OTOF: variants seen among roughly 807,000 people sequenced by gnomAD.
The protein encoded by OTOF is otoferlin.
In OTOF, 218 loss-of-function variants were observed where a neutral mutation model predicts 236.8. The ratio of observed to expected loss-of-function variants is 0.92; its 90% confidence interval spans 0.82 to 1.03. The LOEUF is 1.03. OTOF is among the 50% of genes least tolerant of loss of function. The pLI, the probability that OTOF is intolerant of heterozygous loss-of-function variation, is 0.00. For missense variants in OTOF, 2,590 were observed against 2,694.4 expected (o/e 0.96, Z 0.86); for synonymous variants, 1,041 against 1,072.5 (o/e 0.97, Z 0.57).
rs1178706272 is a variant in OTOF at position 26,477,956 on chromosome 2, G to T, written c.2215-207C>A. ...CCTGGAGATGTTGGTGTTCATGGGG[G>T]TTCTTCAGTTCCTGAAGGAAGAAGC... On this transcript the variant is annotated intron_variant, in intron 18 of 46. Transcript: ENST00000272371. This position sits in a 1 kb window ranked among gnomAD's most constrained non-coding sequence, Gnocchi z 4.7. 1 of 1,463,360 alleles carries T rather than the reference G, an allele frequency of 6.8e-7. No homozygotes were observed. The allele number at this position is 1,463,360 out of a possible 1,614,324, so 90.6% of individuals were successfully genotyped here.
In OTOF at chr2:26,472,637, C is replaced by T. The variant is rs200312028; in HGVS notation, c.3746G>A (p.Arg1249Gln). ...PSWNTTVRLL[R>Q]RCRVLCNGGS... ...CCCATTGCACAGCACACGGCAGCGCCGGAGAAGCCTGACTGGACAGATGGA... is the reference window on the plus strand; with the variant it reads ...CCCATTGCACAGCACACGGCAGCGCTGGAGAAGCCTGACTGGACAGATGGA... Residue 1249 changes from arginine (R) to glutamine (Q), a missense_variant, in exon 30 of 47, where the codon CGG (arginine) becomes CAG (glutamine). By Grantham distance (43) the Arg-to-Gln change is conservative (BLOSUM62 1). Around this residue, in one of 2 missense-constraint regions of OTOF, gnomAD observed 1,211 missense variants for 1,352.8 expected, o/e 0.90. Transcript: ENST00000272371. The T allele has an allele frequency of 3.8e-5, 62 of 1,613,036 alleles. No individual in the cohort carries two copies. Among genetic ancestry groups the T allele is most frequent in the Admixed American group, 2.2e-4 (13 of 59,976 alleles).
rs779056035 is a variant in OTOF, at chr2:26,473,229, G to A, written c.3636C>T (p.Phe1212=). 5.0e-6 allele frequency: 8 copies of A among 1,613,216 alleles called. No individual in the cohort carries two copies. Among genetic ancestry groups the A allele is most frequent in the South Asian group, 3.3e-5 (3 of 91,078 alleles). Residue 1212 remains phenylalanine, a synonymous_variant, in exon 29 of 47, where the codon TTC becomes TTT. Transcript: ENST00000272371. The surrounding 1 kb of genome is among the most constrained non-coding windows in gnomAD (Gnocchi z 7.2). ...LNIRVVDCRA[F]GRYTLVGSHA... ...GGGAGCCCACCAGTGTGTAGCGACC[G>A]AAGGCCCGGCAGTCCACCACACGGA...
Position 26,465,847 on chromosome 2 carries a change from T to C in OTOF, c.4629-5A>G. 6.2e-7 allele frequency: 1 copy of C among 1,613,930 alleles called. No homozygotes were observed. Among genetic ancestry groups the C allele is most frequent in the Non-Finnish European group, 8.5e-7 (1 of 1,179,956 alleles). On this transcript the variant is annotated splice_region_variant and splice_polypyrimidine_tract_variant and intron_variant, in intron 37 of 46. Transcript: ENST00000272371. The stretch of plus-strand genomic sequence containing the variant: ...GAGGCCTCGATGTCAAAGGACCTGG[T>C]GGGGTGGAGTTAGGAGAAGGGCTTA...
At chr2:26,532,881 G>A (rs1317549891) in intron 2 of OTOF, among the ~76,000 whole-genome samples, 2 of 152,178 alleles carry the variant, frequency 1.3e-5, no homozygotes, top group Non-Finnish European at 2.9e-5. Flanking sequence ...GAGTGGGCCT[G>A]GAACCATCCT....
intron 5 of OTOF, among the ~76,000 whole-genome samples, chr2:26,505,484 A>C (rs142690285): frequency 1.4e-3 from 214 of 152,270 alleles, no homozygotes; most frequent in Non-Finnish European, 1.8e-3. Context: ...CATAGGGCCA[A>C]AGGCCTTTCT....
chr2:26,463,458 T>A, intron 41 of OTOF, 25 bp downstream of exon 41: 1 of 1,556,408 alleles, frequency 6.4e-7, no homozygotes, highest in Non-Finnish European at 8.7e-7. Flanking sequence ...CGGAAGGGAG[T>A]AGCGCTGGGC....
chr2:26,460,292 C>A lies in OTOF; in HGVS notation c.5814-87G>T. 9.2e-7 allele frequency: 1 copy of A among 1,092,474 alleles called. No individual in the cohort carries two copies. Among genetic ancestry groups the A allele is most frequent in the Non-Finnish European group, 1.4e-6 (1 of 733,048 alleles). The allele number at this position is 1,092,474 out of a possible 1,614,324, so 67.7% of individuals were successfully genotyped here. A position where few individuals can be genotyped will look rare whatever the true frequency, so the allele number is the denominator to read the frequency against. ...CGAGGGGCCAAGACCAAGAGGGAAG[C>A]TGTCCTGGGCTGTGTGTGCAGTTCT... On this transcript the variant is annotated intron_variant, in intron 45 of 46. Transcript: ENST00000272371. This position sits in a 1 kb window ranked among gnomAD's most constrained non-coding sequence, Gnocchi z 5.3.
Position 26,460,161 on chromosome 2 carries a change from G to A in OTOF, c.5858C>T (p.Ser1953Leu), listed in dbSNP as rs1250079687. Reference sequence around the variant, plus strand: ...CGTGTGCCACAAGAAGTAGCGAGCCGACTTGAGAGGGTTCAGGAACCAGAT... The same window carrying A: ...CGTGTGCCACAAGAAGTAGCGAGCCAACTTGAGAGGGTTCAGGAACCAGAT... ...SFIWFLNPLK[S>L]ARYFLWHTYR... Residue 1953 changes from serine (S) to leucine (L), a missense_variant, in exon 46 of 47, where the codon TCG becomes TTG. Ser to Leu is a moderately radical substitution (Grantham distance 145). This residue lies in a region of OTOF where 1,211 missense variants were observed against 1,352.8 expected (regional missense o/e 0.90). Coordinates refer to ENST00000272371, the MANE Select transcript of OTOF (RefSeq NM_194248.3). The surrounding 1 kb of genome is among the most constrained non-coding windows in gnomAD (Gnocchi z 5.3). The A allele has an allele frequency of 1.9e-5, 31 of 1,604,558 alleles. No individual in the cohort carries two copies. Among genetic ancestry groups the A allele is most frequent in the Non-Finnish European group, 2.4e-5 (28 of 1,176,032 alleles).
intron 11 of OTOF, among the ~76,000 whole-genome samples, chr2:26,485,625 C>T (rs1665681122): frequency 6.6e-6 from 1 of 152,212 alleles, no homozygotes; most frequent in Admixed American, 6.5e-5. Context: ...GAATCTGCTT[C>T]CCGGGATGTT....
At chr2:26,498,375 C>T (rs6734116) in intron 8 of OTOF, among the ~76,000 whole-genome samples, 47,055 of 151,844 alleles carry the variant, frequency 0.31, 10,194 homozygotes, top group African/African-American at 0.61. Flanking sequence ...GACCACCAGG[C>T]GCATGGTGTT....
intron 1 of OTOF, among the ~76,000 whole-genome samples, chr2:26,538,654 T>A (rs1025298424): frequency 3.3e-5 from 5 of 152,146 alleles, no homozygotes; most frequent in African/African-American, 1.2e-4. Context: ...TTCAGTTCAC[T>A]TTGAGAAACA....
chr2:26,515,917 G>A (rs931294741), intron 5 of OTOF, among the ~76,000 whole-genome samples: 7 of 152,194 alleles, frequency 4.6e-5, no homozygotes, highest in East Asian at 1.9e-4. Context: ...GGGGGTTCCC[G>A]GGTACCCTCC....
chr2:26,532,868 G>A (rs187051365), intron 2 of OTOF, among the ~76,000 whole-genome samples: 18 of 152,264 alleles, frequency 1.2e-4, no homozygotes, highest in African/African-American at 4.1e-4. Flanking sequence ...CAGCTTGGCC[G>A]CTGAGTGGGC....
At chr2:26,540,183 C>T (rs771508606) in intron 1 of OTOF, among the ~76,000 whole-genome samples, 29 of 152,182 alleles carry the variant, frequency 1.9e-4, no homozygotes, top group Non-Finnish European at 3.4e-4. Flanking sequence ...TCTCCCACCT[C>T]GGCCTCCCAA....
rs1168314758 is a variant in OTOF at position 26,477,292 on chromosome 2, C to A, written c.2407-4G>T. On this transcript the variant is annotated splice_polypyrimidine_tract_variant and splice_region_variant and intron_variant, in intron 20 of 46. Coordinates refer to ENST00000272371, the MANE Select transcript of OTOF (RefSeq NM_194248.3). The surrounding 1 kb of genome is among the most constrained non-coding windows in gnomAD (Gnocchi z 4.7). ...TGGCCTGCTGCCCCATGTTTTCCTGCGAAGGAGGGGGTGTCAGTGAACCCA... is the reference window on the plus strand; with the variant it reads ...TGGCCTGCTGCCCCATGTTTTCCTGAGAAGGAGGGGGTGTCAGTGAACCCA... 22 of 1,608,704 alleles carry A rather than the reference C, an allele frequency of 1.4e-5. 1 individual carries two copies. In the South Asian group the frequency reaches 1.6e-4, roughly 11 times the overall value.
At chr2:26,458,813 T>C (rs552451366) in intron 46 of OTOF, among the ~76,000 whole-genome samples, 2 of 152,310 alleles carry the variant, frequency 1.3e-5, no homozygotes, top group South Asian at 2.1e-4. Flanking sequence ...AAGTACTGCA[T>C]ATGCATTTTC....
At chr2:26,558,420 C>T in intron 1 of OTOF, 73 bp downstream of exon 1, 2 of 1,371,270 alleles carry the variant, frequency 1.5e-6, no homozygotes, top group South Asian at 2.3e-5. Flanking sequence ...CTGTCCTATC[C>T]CCGGCCACCT....
rs1298927741 is a variant in OTOF at position 26,477,003 on chromosome 2, C to T, written c.2564G>A (p.Ser855Asn). Reference sequence around the variant, plus strand: ...GGCATAGGCGACACGCTTGTTGTTGCTCATCATCCAGATGAAGATGTCGGG... The same window carrying T: ...GGCATAGGCGACACGCTTGTTGTTGTTCATCATCCAGATGAAGATGTCGGG... The part of the protein sequence containing the change: ...SIPDIFIWMM[S>N]NNKRVAYARV... The change falls in exon 22 of 47, where the codon AGC (serine) becomes AAC (asparagine). Residue 855 changes from serine to asparagine, a missense_variant. Transcript: ENST00000272371. The surrounding 1 kb of genome is among the most constrained non-coding windows in gnomAD (Gnocchi z 4.7). 2 of 1,610,686 alleles carry T rather than the reference C, an allele frequency of 1.2e-6. No homozygotes were observed. Among genetic ancestry groups the T allele is most frequent in the Admixed American group, 1.7e-5 (1 of 59,844 alleles).
intron 9 of OTOF, among the ~76,000 whole-genome samples, chr2:26,493,615 C>T (rs904220122): frequency 6.6e-6 from 1 of 152,130 alleles, no homozygotes; most frequent in Admixed American, 6.5e-5. Context: ...ATCCAACCTG[C>T]GAATGCAACA....
Sources: allele counts gnomAD v4.1 joint callset (sites outside exome capture counted in the v4.1 genomes callset), GRCh38; gene constraint gnomAD v4.1.1; regional missense constraint gnomAD v4.1.1; non-coding constraint Gnocchi (gnomAD v3.1); transcripts MANE v1.5; gene names NCBI Gene and HGNC (gene_info 2026-07-23, HGNC 2026-07-21).